Variants in PXDNL observed in about 807,000 individuals in gnomAD.
PXDNL encodes probable oxidoreductase PXDNL.
PXDNL carries 145 observed loss-of-function variants against 150.8 expected under a neutral mutation model. The observed-to-expected ratio is 0.96, with a 90% CI of 0.84 to 1.10. The LOEUF is 1.10. PXDNL is among the 50% of genes least tolerant of loss of function. The probability of loss-of-function intolerance (pLI) is 0.00; values close to 1 mark genes in which losing one functional copy is unlikely to be tolerated. For synonymous variants in PXDNL, 757 were observed against 725.7 expected (o/e 1.04, Z -0.69); for missense variants, 2,087 against 1,873.9 (o/e 1.11, Z -2.10).
At chr8:51,320,224 C>T (rs1805276929) in intron 22 of PXDNL, among the ~76,000 whole-genome samples, 1 of 152,102 alleles carries the variant, frequency 6.6e-6, no homozygotes, top group African/African-American at 2.4e-5. Context: ...AGCAAGCCTG[C>T]CCTATAAAAT....
At chr8:51,662,814 T>C (rs1027724779) in intron 1 of PXDNL, among the ~76,000 whole-genome samples, 8 of 152,292 alleles carry the variant, frequency 5.3e-5, no homozygotes, top group African/African-American at 1.9e-4. Flanking sequence ...CAGGCACTCA[T>C]GGGAAGTTAA....
chr8:51,634,880 G>A (rs1814573932), intron 2 of PXDNL, among the ~76,000 whole-genome samples: 1 of 151,250 alleles, frequency 6.6e-6, no homozygotes, highest in African/African-American at 2.5e-5. Flanking sequence ...CCTTTTGGTG[G>A]AATCTTTAGG....
intron 5 of PXDNL, among the ~76,000 whole-genome samples, chr8:51,485,665 C>G (rs1319237788): frequency 6.6e-6 from 1 of 152,150 alleles, no homozygotes; most frequent in Non-Finnish European, 1.5e-5. Context: ...CCACCCTGCT[C>G]CTGGGCTATC....
intron 1 of PXDNL, among the ~76,000 whole-genome samples, chr8:51,796,861 G>A (rs535004282): frequency 6.6e-6 from 1 of 152,118 alleles, no homozygotes; most frequent in Non-Finnish European, 1.5e-5. Flanking sequence ...ACCCGGCACA[G>A]ATGCAACAAA....
At chr8:51,363,709 C>T (rs1300928603) in intron 19 of PXDNL, among the ~76,000 whole-genome samples, 1 of 152,026 alleles carries the variant, frequency 6.6e-6, no homozygotes, top group Non-Finnish European at 1.5e-5. Flanking sequence ...GTTTTTACTT[C>T]TTCTTTCTTT....
At chr8:51,582,160 A>G (rs1005463467) in intron 3 of PXDNL, among the ~76,000 whole-genome samples, 6 of 152,148 alleles carry the variant, frequency 3.9e-5, no homozygotes, top group Non-Finnish European at 7.4e-5. Flanking sequence ...GGACTTTTAT[A>G]AAATAGAGTT....
rs559505595 is a variant in PXDNL, at chr8:51,431,599, G to A, written c.1526-4841C>T. On this transcript the variant is annotated intron_variant, in intron 12 of 22. Coordinates refer to ENST00000356297, the MANE Select transcript of PXDNL (RefSeq NM_144651.5). ...CTGCTAAGACTCTTGTCTCCTCAGG[G>A]TTTTTGTGTAACCCAGAGGCTGGGA... Among the ~76,000 whole-genome samples, 4 of 152,212 alleles carry A rather than the reference G, an allele frequency of 2.6e-5. No homozygotes were observed. In the South Asian group the frequency reaches 8.3e-4, roughly 32 times the overall value.
intron 6 of PXDNL, among the ~76,000 whole-genome samples, chr8:51,478,730 G>T (rs1198816631): frequency 1.3e-5 from 2 of 152,162 alleles, no homozygotes; most frequent in Admixed American, 1.3e-4. Context: ...ATTGTTGAAG[G>T]TGGAATTCAT....
At chr8:51,622,812 C>T (rs1814284001) in intron 2 of PXDNL, among the ~76,000 whole-genome samples, 1 of 152,160 alleles carries the variant, frequency 6.6e-6, no homozygotes, top group African/African-American at 2.4e-5. Context: ...TCTGAAGGCA[C>T]CTACCCTGGG....
At chr8:51,459,633 G>A (rs1554542528) in intron 8 of PXDNL, among the ~76,000 whole-genome samples, 1 of 152,094 alleles carries the variant, frequency 6.6e-6, no homozygotes, top group African/African-American at 2.4e-5. Flanking sequence ...CATAAAACTT[G>A]TTTGCTCATG....
intron 16 of PXDNL, among the ~76,000 whole-genome samples, chr8:51,411,025 ATATAACT>A (rs1563400259): frequency 6.6e-6 from 1 of 152,238 alleles, no homozygotes; most frequent in Non-Finnish European, 1.5e-5. Flanking sequence ...TTCTCTATAC[ATATAACT>A]TAAAAGTTGA....
intron 1 of PXDNL, among the ~76,000 whole-genome samples, chr8:51,753,747 A>G (rs2037070354): frequency 6.6e-6 from 1 of 152,232 alleles, no homozygotes; most frequent in Non-Finnish European, 1.5e-5. Context: ...TTGATGAGGA[A>G]ATTATAGCAG....
chr8:51,735,555 T>TTTTTTTTTTTTTTTG (rs1817020322), intron 1 of PXDNL, among the ~76,000 whole-genome samples: 1 of 114,708 alleles, frequency 8.7e-6, no homozygotes, highest in African/African-American at 3.5e-5. Flanking sequence ...TTTTTTTTTT[T>TTTTTTTTTTTTTTTG]TTTTTTTTTG....
At chr8:51,696,159 T>A (rs147452223) in intron 1 of PXDNL, among the ~76,000 whole-genome samples, 2 of 152,354 alleles carry the variant, frequency 1.3e-5, no homozygotes, top group Non-Finnish European at 2.9e-5. Context: ...AGACCCTGGC[T>A]GCTGTGGACT....
At position 51,408,434 on chromosome 8, in the gene PXDNL, G is replaced by C. The variant is rs1243863976; in HGVS notation, c.3190C>G (p.Leu1064Val). 6.2e-7 allele frequency: 1 copy of C among 1,614,026 alleles called. No homozygotes were observed. The highest frequency in any genetic ancestry group is 1.7e-5 in the Admixed American group (1 of 60,032). Residue 1064 changes from leucine to valine, a missense_variant, in exon 17 of 23, where the codon CTT becomes GTT. Transcript: ENST00000356297. ...CCTAAGGTGGCATTCAGTCGGTAAA[G>C]AATAGGATTGATTAATGTGTGGCCA... is the stretch of plus-strand genomic sequence containing the variant. ...RFGHTLINPI[L>V]YRLNATLGEI...
chr8:51,411,110 T>G lies in PXDNL; in HGVS notation c.2062+140A>C, dbSNP rs1808628490. ...CAGTTCCTATGAGAAACATCTGCATTTATTTGGTAAAAGTAGTGAGTAAAT... is the reference window on the plus strand; with the variant it reads ...CAGTTCCTATGAGAAACATCTGCATGTATTTGGTAAAAGTAGTGAGTAAAT... On this transcript the variant is annotated intron_variant, in intron 16 of 22. Coordinates refer to ENST00000356297, the MANE Select transcript of PXDNL (RefSeq NM_144651.5). The G allele has an allele frequency of 4.7e-6, 3 of 643,796 alleles. No individual in the cohort carries two copies. In the Admixed American group the frequency reaches 1.3e-4, roughly 28 times the overall value. 39.9% of individuals were successfully genotyped at this position (643,796 alleles called of 1,614,324 possible).
At chr8:51,436,594 A>G (rs1809413417) in intron 12 of PXDNL, 1 of 209,478 alleles carries the variant, frequency 4.8e-6, no homozygotes, top group Non-Finnish European at 9.8e-6. Flanking sequence ...AAATTAAACA[A>G]TCTGCTCCTG....
At chr8:51,807,674 G>A (rs1385830018) in intron 1 of PXDNL, among the ~76,000 whole-genome samples, 3 of 152,230 alleles carry the variant, frequency 2.0e-5, no homozygotes, top group Non-Finnish European at 4.4e-5. Context: ...TTTAAACATA[G>A]TGGAAGGCTC....
At chr8:51,699,712 CT>C (rs1816211105) in intron 1 of PXDNL, among the ~76,000 whole-genome samples, 1 of 152,166 alleles carries the variant, frequency 6.6e-6, no homozygotes, top group Non-Finnish European at 1.5e-5. Flanking sequence ...AGACATGCAA[CT>C]CTTCCTTTCA....
Sources: gnomAD v4.1 joint callset for allele counts (sites outside exome capture counted in the v4.1 genomes callset) on GRCh38, gnomAD v4.1.1 for gene constraint, MANE v1.5 for transcripts, NCBI Gene and HGNC (gene_info 2026-07-23, HGNC 2026-07-21) for gene names.